The following PARD3B variants were observed in gnomAD, a reference collection of about 807,000 sequenced individuals.
PARD3B encodes the protein partitioning defective 3 homolog B.
In PARD3B, 103 loss-of-function variants were observed where a neutral mutation model predicts 130.2. That is an observed-to-expected ratio of 0.79 (90% CI 0.67 to 0.93). PARD3B has a LOEUF of 0.93. Among genes scored for constraint, PARD3B ranks in the 40% least tolerant of loss-of-function variants. The pLI, the probability that PARD3B is intolerant of heterozygous loss-of-function variation, is 0.00. For missense variants in PARD3B, 1,609 were observed against 1,499.2 expected, an observed-to-expected ratio of 1.07 and a Z score of -1.21; for synonymous variants, 583 against 553.2, an observed-to-expected ratio of 1.05 and a Z score of -0.76.
chr2:204,749,478 T>C (rs1297851213), intron 2 of PARD3B, among the ~76,000 whole-genome samples: 4 of 152,184 alleles, frequency 2.6e-5, no homozygotes, highest in African/African-American at 9.6e-5. Flanking sequence ...GGAAAATAGA[T>C]GACTAAGAGT....
At chr2:204,797,174 C>CAA (rs1162381095) in intron 2 of PARD3B, among the ~76,000 whole-genome samples, 92 of 52,594 alleles carry the variant, frequency 1.7e-3, no homozygotes, top group African/African-American at 3.8e-3. Context: ...GACTCTGTCT[C>CAA]AAAAAAAAAA....
rs921473733 is a variant in PARD3B at position 204,943,770 on chromosome 2, C to G, written c.223-21382C>G. Among the ~76,000 whole-genome samples the G allele has an allele frequency of 6.6e-6, 1 of 152,148 alleles. No homozygotes were observed. The highest frequency in any genetic ancestry group is 6.5e-5 in the Admixed American group (1 of 15,282). ...TGAGGGAAAGTTCGCCTCTCCATTG[C>G]CATCCCTACATTGCCTTTCCTATCT... On this transcript the variant is annotated intron_variant, in intron 2 of 22. Transcript: ENST00000406610. This position sits in a 1 kb window ranked among gnomAD's most constrained non-coding sequence, Gnocchi z 4.2.
chr2:204,867,437 C>T (rs113996451), intron 2 of PARD3B, among the ~76,000 whole-genome samples: 1 of 152,142 alleles, frequency 6.6e-6, no homozygotes, highest in South Asian at 2.1e-4. Flanking sequence ...TGAATTTCCT[C>T]TCAGGGAAAT....
At position 205,530,790 on chromosome 2, in the gene PARD3B, A is replaced by G. The variant is rs555818053; in HGVS notation, c.3181-22534A>G. 6.6e-6 allele frequency among the ~76,000 whole-genome samples: 1 copy of G among 152,222 alleles called. No homozygotes were observed. Among genetic ancestry groups the G allele is most frequent in the Non-Finnish European group, 1.5e-5 (1 of 68,046 alleles). On this transcript the variant is annotated intron_variant, in intron 21 of 22. Coordinates refer to ENST00000406610, the MANE Select transcript of PARD3B (RefSeq NM_001302769.2). This position sits in a 1 kb window ranked among gnomAD's most constrained non-coding sequence, Gnocchi z 4.7. Reference sequence around the variant, plus strand: ...TCCTGGATTGGCCACACAGATACTCATGCTGGACGATTCAAGAAGATGAAA... The same window carrying G: ...TCCTGGATTGGCCACACAGATACTCGTGCTGGACGATTCAAGAAGATGAAA...
chr2:204,606,518 C>T lies in PARD3B; in HGVS notation c.120+60399C>T, dbSNP rs1454960303. 2.0e-5 allele frequency among the ~76,000 whole-genome samples: 3 copies of T among 152,130 alleles called. No individual in the cohort carries two copies. The East Asian group carries it at 5.8e-4, about 29-fold the overall frequency. On this transcript the variant is annotated intron_variant, in intron 1 of 22. Transcript: ENST00000406610. The surrounding 1 kb of genome is among the most constrained non-coding windows in gnomAD (Gnocchi z 4.0). ...TGCACTGACTTTTAAAGCTTCTGCACAGAGAGACCCATGTTACTTCTGCTC... is the reference window on the plus strand; with the variant it reads ...TGCACTGACTTTTAAAGCTTCTGCATAGAGAGACCCATGTTACTTCTGCTC...
intron 2 of PARD3B, among the ~76,000 whole-genome samples, chr2:204,854,118 G>A (rs1170330109): frequency 1.3e-5 from 2 of 152,158 alleles, no homozygotes; most frequent in Admixed American, 6.6e-5. Flanking sequence ...AACATCATGA[G>A]AATGAAATAA....
intron 2 of PARD3B, among the ~76,000 whole-genome samples, chr2:204,842,960 C>T (rs956458389): frequency 3.9e-5 from 6 of 152,072 alleles, no homozygotes; most frequent in South Asian, 2.1e-4. Flanking sequence ...GCTTCAGATT[C>T]GCAAGATCTG....
intron 15 of PARD3B, among the ~76,000 whole-genome samples, chr2:205,221,447 G>A (rs4675502): frequency 0.56 from 85,579 of 151,990 alleles, 24,320 homozygotes; most frequent in Admixed American, 0.66. Context: ...GCAGTAGCCC[G>A]GTTCAGCTGC....
At chr2:205,224,735 G>A (rs920655213) in intron 15 of PARD3B, among the ~76,000 whole-genome samples, 2 of 151,836 alleles carry the variant, frequency 1.3e-5, no homozygotes, top group Non-Finnish European at 2.9e-5. Flanking sequence ...CCATCCATTT[G>A]TTGGAAAAGA....
Position 205,590,953 on chromosome 2 carries a change from AAG to A in PARD3B, c.3261-24497_3261-24496del, listed in dbSNP as rs1438731524. Among the ~76,000 whole-genome samples the A allele has an allele frequency of 6.6e-6, 1 of 152,170 alleles. No individual in the cohort carries two copies. Among genetic ancestry groups the A allele is most frequent in the Non-Finnish European group, 1.5e-5 (1 of 68,032 alleles). On this transcript the variant is annotated intron_variant, in intron 22 of 22. Coordinates refer to ENST00000406610, the MANE Select transcript of PARD3B (RefSeq NM_001302769.2). This position sits in a 1 kb window ranked among gnomAD's most constrained non-coding sequence, Gnocchi z 4.1. ...ATAATCCCATATAAAGGAAAAAGAC[AAG>A]AGAGACAAGAATTATGTCTGTTTTG...
chr2:205,010,653 G>A (rs1001973350), intron 3 of PARD3B, among the ~76,000 whole-genome samples: 3 of 152,036 alleles, frequency 2.0e-5, no homozygotes, highest in Non-Finnish European at 4.4e-5. Flanking sequence ...ATCTTGAATC[G>A]ATTGCATTGC....
At chr2:204,760,831 G>C (rs1234993660) in intron 2 of PARD3B, among the ~76,000 whole-genome samples, 3 of 152,140 alleles carry the variant, frequency 2.0e-5, no homozygotes, top group African/African-American at 7.2e-5. Flanking sequence ...ATTAATTCAA[G>C]TGAAGTAGTA....
At position 205,103,813 on chromosome 2, in the gene PARD3B, C is replaced by T. The variant is rs1425419453; in HGVS notation, c.505-613C>T. 3 of 857,706 alleles carry T rather than the reference C, an allele frequency of 3.5e-6. No homozygotes were observed. The East Asian group carries it at 3.7e-4, about 105-fold the overall frequency. The allele number at this position is 857,706 out of a possible 1,614,324, so 53.1% of individuals were successfully genotyped here. On this transcript the variant is annotated intron_variant, in intron 4 of 22. Transcript: ENST00000406610. The stretch of plus-strand genomic sequence containing the variant: ...TTTCCACTGTCCTGGAGTACAGGGC[C>T]TCTCTGACCCTCTAACCTTTCTGTA...
chr2:205,279,070 C>CA (rs57717513), intron 16 of PARD3B, among the ~76,000 whole-genome samples: 2,762 of 38,764 alleles, frequency 0.071, 843 homozygotes, highest in African/African-American at 0.12. Flanking sequence ...GAATCTGTCT[C>CA]AAAAAAAAAA....
chr2:205,257,027 GT>G (rs558887770), intron 16 of PARD3B, among the ~76,000 whole-genome samples: 245 of 152,180 alleles, frequency 1.6e-3, no homozygotes, highest in South Asian at 0.014. Flanking sequence ...ATTTAATAAG[GT>G]ACCCATGCAA....
intron 1 of PARD3B, among the ~76,000 whole-genome samples, chr2:204,577,758 T>C (rs987146296): frequency 6.6e-6 from 1 of 152,026 alleles, no homozygotes; most frequent in Non-Finnish European, 1.5e-5. Flanking sequence ...TGTTTTTTTT[T>C]CTTTTCTTTA....
intron 22 of PARD3B, among the ~76,000 whole-genome samples, chr2:205,554,575 T>G (rs2052796026): frequency 6.6e-6 from 1 of 152,220 alleles, no homozygotes; most frequent in Non-Finnish European, 1.5e-5. Context: ...TAAGTTTTTC[T>G]TATTTGTGAT....
At chr2:204,999,255 C>T (rs1297582402) in intron 3 of PARD3B, among the ~76,000 whole-genome samples, 1 of 152,036 alleles carries the variant, frequency 6.6e-6, no homozygotes, top group Admixed American at 6.6e-5. Context: ...TCATTTACCT[C>T]ATTGCTACAA....
At chr2:204,852,093 A>G (rs1014676005) in intron 2 of PARD3B, among the ~76,000 whole-genome samples, 4 of 152,212 alleles carry the variant, frequency 2.6e-5, no homozygotes, top group Non-Finnish European at 5.9e-5. Flanking sequence ...TTAGAAAGTA[A>G]TGACAGTAGT....
Sources: allele counts gnomAD v4.1 joint callset (sites outside exome capture counted in the v4.1 genomes callset), GRCh38; gene constraint gnomAD v4.1.1; non-coding constraint Gnocchi (gnomAD v3.1); transcripts MANE v1.5; gene names NCBI Gene and HGNC (gene_info 2026-07-23, HGNC 2026-07-21).